Variants in TSPAN18 observed in about 807,000 individuals in gnomAD.
The protein encoded by TSPAN18 is tetraspanin 18.
A neutral mutation model predicts 27.3 loss-of-function variants in TSPAN18; 14 were observed. The ratio of observed to expected loss-of-function variants is 0.51; its 90% CI spans 0.34 to 0.80. The LOEUF (loss-of-function observed/expected upper bound fraction) is 0.80. Ranked by LOEUF, TSPAN18 falls within the 30% of genes least tolerant of loss-of-function variation. The probability of loss-of-function intolerance (pLI) is 0.01; values close to 1 mark genes in which losing one functional copy is unlikely to be tolerated. For synonymous variants in TSPAN18, 143 were observed against 136.5 expected (o/e 1.05, Z -0.33); for missense variants, 268 against 323.9 (o/e 0.83, Z 1.32).
At chr11:44,731,654 G>GAGAGAA (rs1590397695) in intron 1 of TSPAN18, among the ~76,000 whole-genome samples, 2 of 150,872 alleles carry the variant, frequency 1.3e-5, no homozygotes, top group Non-Finnish European at 3.0e-5. Context: ...GAGAGAGAGA[G>GAGAGAA]AAAATCTGTC....
rs189924003 is a variant in TSPAN18, at chr11:44,855,074, A to G, written c.-152-5254A>G. Among the ~76,000 whole-genome samples the G allele has an allele frequency of 3.7e-4, 56 of 152,280 alleles. No homozygotes were observed. In the East Asian group the frequency reaches 0.011, roughly 29 times the overall value. On this transcript the variant is annotated intron_variant, in intron 2 of 9. Transcript: ENST00000520358. ...GATTCCTTGAACTGCTGGGCATTGC[A>G]ATTCATTGTTGTATTTTAAAATTTT...
intron 1 of TSPAN18, among the ~76,000 whole-genome samples, chr11:44,728,057 G>A (rs1303145968): frequency 6.6e-6 from 1 of 152,226 alleles, no homozygotes; most frequent in African/African-American, 2.4e-5. Context: ...AGCGCGTTCT[G>A]GCTCCTGCGA....
At chr11:44,799,728 C>T (rs1178882548) in intron 2 of TSPAN18, among the ~76,000 whole-genome samples, 1 of 152,246 alleles carries the variant, frequency 6.6e-6, no homozygotes, top group Non-Finnish European at 1.5e-5. Context: ...ATGACCCATT[C>T]CCAGGGTTAC....
chr11:44,896,516 C>T (rs1409032830), intron 3 of TSPAN18, among the ~76,000 whole-genome samples: 1 of 152,134 alleles, frequency 6.6e-6, no homozygotes, highest in African/African-American at 2.4e-5. Context: ...ATGGGGCAGG[C>T]AGTTGAAGGG....
chr11:44,769,807 T>C (rs1440450410), intron 2 of TSPAN18, among the ~76,000 whole-genome samples: 1 of 152,222 alleles, frequency 6.6e-6, no homozygotes, highest in Admixed American at 6.5e-5. Context: ...CTTTTCTGGT[T>C]TTTCTTAGTT....
chr11:44,798,060 A>G (rs116019300), intron 2 of TSPAN18, among the ~76,000 whole-genome samples: 1 of 152,112 alleles, frequency 6.6e-6, no homozygotes, highest in African/African-American at 2.4e-5. Flanking sequence ...GAGGTTATTA[A>G]CATCTGAACA....
chr11:44,790,586 A>G (rs998199729), intron 2 of TSPAN18, among the ~76,000 whole-genome samples: 2 of 138,166 alleles, frequency 1.4e-5, no homozygotes, highest in Non-Finnish European at 3.2e-5. Flanking sequence ...ATGTGTGTGC[A>G]TGTGTTCGTG....
chr11:44,759,716 A>T (rs966149479), intron 1 of TSPAN18, among the ~76,000 whole-genome samples: 1 of 152,176 alleles, frequency 6.6e-6, no homozygotes, highest in Admixed American at 6.5e-5. Flanking sequence ...TCTCCTAGCA[A>T]CTGTCTATCC....
chr11:44,732,541 GC>G (rs1854688646), intron 1 of TSPAN18, among the ~76,000 whole-genome samples: 1 of 152,070 alleles, frequency 6.6e-6, no homozygotes, highest in African/African-American at 2.4e-5. Flanking sequence ...ACTGAATCAA[GC>G]CCCCTCCTCC....
intron 3 of TSPAN18, among the ~76,000 whole-genome samples, chr11:44,901,786 G>A (rs1365223220): frequency 6.6e-6 from 1 of 152,236 alleles, no homozygotes; most frequent in East Asian, 1.9e-4. Flanking sequence ...GGTGAGTGGT[G>A]TTTTTGAAGC....
rs150528791 is a variant in TSPAN18, at chr11:44,914,244, G to A, written c.259-3728G>A. Among the ~76,000 whole-genome samples, 798 of 152,324 alleles carry A rather than the reference G, an allele frequency of 5.2e-3. 6 individuals are homozygous for A. Among genetic ancestry groups the A allele is most frequent in the African/African-American group, 0.019 (778 of 41,574 alleles). On this transcript the variant is annotated intron_variant, in intron 5 of 9. Coordinates refer to ENST00000520358, the MANE Select transcript of TSPAN18 (RefSeq NM_130783.5). ...GAGCAGGTGCTCAGTAAACAGCCCC[G>A]GAGCCAAGGAACAGAGAGGAGGTGG...
intron 2 of TSPAN18, among the ~76,000 whole-genome samples, chr11:44,824,668 C>CCGGCTCCTCACATCCCAGCCG (rs1181023903): frequency 6.6e-6 from 1 of 152,236 alleles, no homozygotes; most frequent in Non-Finnish European, 1.5e-5. Context: ...ATTCCAGAGG[C>CCGGCTCCTCACATCCCAGCCG]CGGCTCCTCA....
intron 1 of TSPAN18, among the ~76,000 whole-genome samples, chr11:44,750,547 A>G (rs1025939499): frequency 6.6e-6 from 1 of 152,186 alleles, no homozygotes; most frequent in Admixed American, 6.5e-5. Flanking sequence ...TAAGAGTCCT[A>G]TTTGAATGCA....
intron 2 of TSPAN18, among the ~76,000 whole-genome samples, chr11:44,769,005 C>T (rs1256824522): frequency 1.3e-5 from 2 of 149,590 alleles, no homozygotes; most frequent in Non-Finnish European, 3.0e-5. Context: ...AAGAAATTCT[C>T]TGCCTCAGCC....
intron 1 of TSPAN18, among the ~76,000 whole-genome samples, chr11:44,740,683 A>G (rs1390317246): frequency 6.6e-6 from 1 of 152,172 alleles, no homozygotes; most frequent in Admixed American, 6.5e-5. Flanking sequence ...TCTGTCTTCC[A>G]TTGTTCCTCA....
At chr11:44,788,705 C>T (rs140059887) in intron 2 of TSPAN18, among the ~76,000 whole-genome samples, 2,807 of 152,210 alleles carry the variant, frequency 0.018, 100 homozygotes, top group African/African-American at 0.064. Context: ...CCTCGGCCTC[C>T]CAAAGTGCTG....
In TSPAN18 at chr11:44,861,305, C is replaced by T. The variant is rs1210738969; in HGVS notation, c.-11+836C>T. Among the ~76,000 whole-genome samples, 5 of 151,864 alleles carry T rather than the reference C, an allele frequency of 3.3e-5. No individual in the cohort carries two copies. The East Asian group carries it at 9.7e-4, about 29-fold the overall frequency. On this transcript the variant is annotated intron_variant, in intron 3 of 9. Transcript: ENST00000520358. The stretch of plus-strand genomic sequence containing the variant: ...TTGGATGGTCTTGGGTCACATGACA[C>T]CTCTGCCCAATCACTGAAACCTGGA...
intron 2 of TSPAN18, among the ~76,000 whole-genome samples, chr11:44,766,921 A>G (rs923297850): frequency 2.6e-5 from 4 of 152,172 alleles, no homozygotes; most frequent in Non-Finnish European, 5.9e-5. Context: ...GGCAAAGAGC[A>G]TGCACCCCAC....
At chr11:44,871,475 G>A (rs550697971) in intron 3 of TSPAN18, among the ~76,000 whole-genome samples, 1 of 152,270 alleles carries the variant, frequency 6.6e-6, no homozygotes, top group Non-Finnish European at 1.5e-5. Flanking sequence ...CAAACATTCA[G>A]TCCACAGTAC....
Sources: gnomAD v4.1 joint callset for allele counts (sites outside exome capture counted in the v4.1 genomes callset) on GRCh38, gnomAD v4.1.1 for gene constraint, MANE v1.5 for transcripts, NCBI Gene and HGNC (gene_info 2026-07-23, HGNC 2026-07-21) for gene names.